Variants in SCMH1 observed in about 807,000 individuals in gnomAD.
The protein encoded by SCMH1 is Scm polycomb group protein homolog 1.
A neutral mutation model predicts 70.8 loss-of-function variants in SCMH1; 37 were observed. That is an observed-to-expected ratio of 0.52 (90% CI 0.40 to 0.69). SCMH1 has a LOEUF of 0.69. SCMH1 is among the 30% of genes least tolerant of loss of function. The pLI is 0.00. For missense variants in SCMH1, 607 were observed against 827.3 expected (o/e 0.73, Z 3.27); for synonymous variants, 292 against 307.4 (o/e 0.95, Z 0.52).
chr1:41,119,496 G>A (rs989300122), intron 6 of SCMH1, among the ~76,000 whole-genome samples: 5 of 151,358 alleles, frequency 3.3e-5, no homozygotes, highest in African/African-American at 1.2e-4. Context: ...TGGTGGGCAC[G>A]TCAACCACAT....
chr1:41,073,824 A>C (rs1189951217), intron 9 of SCMH1, among the ~76,000 whole-genome samples: 1 of 152,222 alleles, frequency 6.6e-6, no homozygotes, highest in African/African-American at 2.4e-5. Context: ...AGTCAGTGAA[A>C]GCTAATAAAC....
At chr1:41,137,724 T>C (rs547426326) in intron 6 of SCMH1, among the ~76,000 whole-genome samples, 13 of 152,344 alleles carry the variant, frequency 8.5e-5, no homozygotes, top group Admixed American at 2.6e-4. Flanking sequence ...CACAGTGATT[T>C]CTCTGTCATT....
At chr1:41,039,333 G>A (rs1306577927) in intron 12 of SCMH1, among the ~76,000 whole-genome samples, 1 of 152,158 alleles carries the variant, frequency 6.6e-6, no homozygotes, top group East Asian at 1.9e-4. Context: ...TGAAAATCTG[G>A]ACTGATGGCA....
At chr1:41,160,197 T>C (rs887043058) in intron 4 of SCMH1, among the ~76,000 whole-genome samples, 7 of 152,206 alleles carry the variant, frequency 4.6e-5, no homozygotes, top group South Asian at 4.1e-4. Context: ...TAACAAAATA[T>C]ATCAAAATAC....
rs74516736 is a variant in SCMH1, at chr1:41,103,556, G to A, written c.745+9727C>T. ...TTGTAAATTGATATGTATTGATGCT[G>A]GCACAGTGGGTGTTACAATAAAAGC... On this transcript the variant is annotated intron_variant, in intron 8 of 14. Coordinates refer to ENST00000337495, the Ensembl canonical transcript of SCMH1. Among the ~76,000 whole-genome samples the A allele has an allele frequency of 2.8e-4, 42 of 152,260 alleles. No homozygotes were observed. The East Asian group carries it at 6.0e-3, about 22-fold the overall frequency.
At chr1:41,145,814 T>G (rs1383352446) in intron 5 of SCMH1, among the ~76,000 whole-genome samples, 2 of 152,164 alleles carry the variant, frequency 1.3e-5, no homozygotes, top group African/African-American at 2.4e-5. Flanking sequence ...AGCAACACAT[T>G]ACTCACATTT....
At chr1:41,045,595 C>G (rs1421802684) in intron 12 of SCMH1, 1 of 152,270 alleles carries the variant, frequency 6.6e-6, no homozygotes, top group Non-Finnish European at 1.5e-5. Flanking sequence ...GACCTGTGCC[C>G]TCCCATCAAC....
intron 7 of SCMH1, among the ~76,000 whole-genome samples, chr1:41,114,478 T>C (rs754619101): frequency 7.2e-5 from 11 of 152,194 alleles, no homozygotes; most frequent in Non-Finnish European, 1.2e-4. Flanking sequence ...TTGCTATTCA[T>C]TCTCTGTCTT....
intron 1 of SCMH1, among the ~76,000 whole-genome samples, chr1:41,240,303 A>G (rs905718796): frequency 6.6e-6 from 1 of 152,250 alleles, no homozygotes; most frequent in African/African-American, 2.4e-5. Flanking sequence ...CAGATGTAAG[A>G]GCCTGGCCTT....
intron 12 of SCMH1, among the ~76,000 whole-genome samples, chr1:41,040,371 A>T (rs1645967703): frequency 6.6e-6 from 1 of 152,222 alleles, no homozygotes; most frequent in South Asian, 2.1e-4. Context: ...GAGGATGATC[A>T]GAGTGGTGGT....
At position 41,093,846 on chromosome 1, in the gene SCMH1, T is replaced by C. The variant is rs577074460; in HGVS notation, c.746-18395A>G. 4.6e-5 allele frequency among the ~76,000 whole-genome samples: 7 copies of C among 152,356 alleles called. No individual in the cohort carries two copies. In the East Asian group the frequency reaches 1.2e-3, roughly 25 times the overall value. ...GGCACAAGGTTTCCAAAATTCTAAT[T>C]TTCATTTGAAAGCTTGAATTTTATC... On this transcript the variant is annotated intron_variant, in intron 8 of 14. Transcript: ENST00000337495.
At chr1:41,159,579 G>T in intron 4 of SCMH1, 3 of 884,862 alleles carry the variant, frequency 3.4e-6, no homozygotes, top group Non-Finnish European at 4.8e-6. Flanking sequence ...TGGTAAGTGG[G>T]AATAGGAATT....
chr1:41,137,446 C>G (rs1347083492), intron 6 of SCMH1, among the ~76,000 whole-genome samples: 1 of 151,724 alleles, frequency 6.6e-6, no homozygotes, highest in Non-Finnish European at 1.5e-5. Context: ...TACATATGCA[C>G]ACACACACAC....
intron 2 of SCMH1, among the ~76,000 whole-genome samples, chr1:41,179,905 C>T (rs1297390431): frequency 6.6e-6 from 1 of 151,960 alleles, no homozygotes; most frequent in African/African-American, 2.4e-5. Flanking sequence ...GGCAGAGACA[C>T]AACAAAAAAA....
intron 1 of SCMH1, among the ~76,000 whole-genome samples, chr1:41,237,023 G>C (rs1177755347): frequency 2.0e-5 from 3 of 152,312 alleles, no homozygotes; most frequent in East Asian, 3.9e-4. Flanking sequence ...CCCAACATTT[G>C]AGTGCCTGAT....
intron 6 of SCMH1, among the ~76,000 whole-genome samples, chr1:41,140,251 A>C (rs558246410): frequency 1.3e-5 from 2 of 151,986 alleles, no homozygotes; most frequent in East Asian, 3.9e-4. Flanking sequence ...TCTGTCCCTT[A>C]GTGAGAAGTA....
At chr1:41,107,686 AT>A (rs1274392122) in intron 8 of SCMH1, among the ~76,000 whole-genome samples, 3 of 151,982 alleles carry the variant, frequency 2.0e-5, no homozygotes, top group African/African-American at 7.2e-5. Flanking sequence ...CACCCAGCTA[AT>A]TTTTGTATTT....
At chr1:41,216,173 G>C (rs1465576169) in intron 1 of SCMH1, among the ~76,000 whole-genome samples, 1 of 152,202 alleles carries the variant, frequency 6.6e-6, no homozygotes, top group Non-Finnish European at 1.5e-5. Flanking sequence ...GCTAGAGCTA[G>C]TCTCTCACTA....
intron 6 of SCMH1, among the ~76,000 whole-genome samples, chr1:41,139,882 T>C (rs1017552587): frequency 6.6e-6 from 1 of 152,166 alleles, no homozygotes; most frequent in East Asian, 1.9e-4. Context: ...TTATATATAA[T>C]AATGTATTTA....
Sources: gnomAD v4.1 joint callset for allele counts (sites outside exome capture counted in the v4.1 genomes callset) on GRCh38, gnomAD v4.1.1 for gene constraint, MANE v1.5 for transcripts, NCBI Gene and HGNC (gene_info 2026-07-23, HGNC 2026-07-21) for gene names.